Variants in PPP1R21 observed in about 807,000 individuals in gnomAD.
PPP1R21 encodes the protein KLRAQ motif containing 1.
PPP1R21 carries 85 observed loss-of-function variants against 112.8 expected under a neutral mutation model. That is an observed-to-expected ratio of 0.75 (90% confidence interval 0.63 to 0.90). The LOEUF (loss-of-function observed/expected upper bound fraction) is 0.90. PPP1R21 is among the 40% of genes least tolerant of loss of function. The pLI is 0.00. For missense variants in PPP1R21, 1,199 were observed against 901.5 expected (o/e 1.33, Z -4.23); for synonymous variants, 381 against 322.3 (o/e 1.18, Z -1.95).
At chr2:48,491,345 T>A (rs1324391914) in intron 15 of PPP1R21, among the ~76,000 whole-genome samples, 175 bp downstream of exon 15, 1 of 152,102 alleles carries the variant, frequency 6.6e-6, no homozygotes, top group Non-Finnish European at 1.5e-5. Flanking sequence ...GGACCCAGAC[T>A]TTACCTGAGA....
chr2:48,509,597 C>T (rs547122477), intron 19 of PPP1R21, among the ~76,000 whole-genome samples: 3 of 151,678 alleles, frequency 2.0e-5, no homozygotes, highest in South Asian at 2.1e-4. Context: ...CCCAGCTACT[C>T]GGGAAGCTGA....
chr2:48,479,801 A>G (rs1668924822), intron 12 of PPP1R21, 123 bp from the exon 13 acceptor site: 2 of 698,236 alleles, frequency 2.9e-6, no homozygotes, highest in Non-Finnish European at 5.2e-6. Context: ...CCACGATTTT[A>G]AGAGGCATTA....
In PPP1R21 at chr2:48,441,005, T is replaced by G. The variant is rs776355014; in HGVS notation, c.52T>G (p.Ser18Ala). Residue 18 changes from serine to alanine, a missense_variant, in exon 1 of 22, where the codon TCG becomes GCG. Physicochemically the swap from Ser to Ala is moderately conservative, Grantham distance 99. Coordinates refer to ENST00000294952, the MANE Select transcript of PPP1R21 (RefSeq NM_001135629.3). ...GKYQKLAQEYSKLRAQNQVLK... is the reference protein window; with the variant it reads ...GKYQKLAQEYAKLRAQNQVLK... ...GTACCAGAAGCTGGCTCAGGAGTAC[T>G]CGAAGGTACCCATCGTGGTCTGGGA... The G allele has an allele frequency of 1.9e-6, 3 of 1,606,922 alleles. No individual in the cohort carries two copies. Among genetic ancestry groups the G allele is most frequent in the East Asian group, 4.5e-5 (2 of 44,704 alleles).
At chr2:48,490,187 C>G (rs1001071890) in intron 14 of PPP1R21, among the ~76,000 whole-genome samples, 1 of 144,322 alleles carries the variant, frequency 6.9e-6, no homozygotes, top group African/African-American at 2.6e-5. Context: ...CCACTCCACT[C>G]CAGCCTGGGC....
At chr2:48,475,307 C>T (rs145891507) in intron 12 of PPP1R21, among the ~76,000 whole-genome samples, 2,866 of 152,070 alleles carry the variant, frequency 0.019, 91 homozygotes, top group African/African-American at 0.065. Flanking sequence ...GAGCTATGAT[C>T]ACACCACTGC....
intron 3 of PPP1R21, among the ~76,000 whole-genome samples, chr2:48,457,300 A>G (rs1267500980): frequency 2.6e-5 from 4 of 152,280 alleles, no homozygotes. Context: ...ATGGATATTT[A>G]ATTTCTTTTT....
intron 13 of PPP1R21, among the ~76,000 whole-genome samples, chr2:48,485,551 C>G (rs1002670496): frequency 6.6e-6 from 1 of 151,836 alleles, no homozygotes; most frequent in Non-Finnish European, 1.5e-5. Flanking sequence ...TATCCTAAAT[C>G]AAAGACGTAT....
intron 16 of PPP1R21, among the ~76,000 whole-genome samples, chr2:48,497,095 C>A (rs896434942): frequency 1.3e-5 from 2 of 152,180 alleles, no homozygotes; most frequent in East Asian, 3.8e-4. Flanking sequence ...GTCACAAGTT[C>A]TCAAGGTCCA....
At chr2:48,485,743 TTATC>T (rs571250336) in intron 13 of PPP1R21, among the ~76,000 whole-genome samples, 36 of 151,448 alleles carry the variant, frequency 2.4e-4, no homozygotes, top group African/African-American at 8.7e-4. Flanking sequence ...CCTCCATTAA[TTATC>T]TATAGTCTAA....
intron 9 of PPP1R21, among the ~76,000 whole-genome samples, chr2:48,467,533 C>A (rs1411689843): frequency 1.3e-5 from 2 of 152,174 alleles, no homozygotes; most frequent in Non-Finnish European, 2.9e-5. Context: ...GGATTTGCAT[C>A]CCAGGTGGCC....
chr2:48,487,974 A>C (rs1021942541), intron 14 of PPP1R21, among the ~76,000 whole-genome samples: 1 of 152,182 alleles, frequency 6.6e-6, no homozygotes, highest in African/African-American at 2.4e-5. Context: ...TCCAAAGGAA[A>C]TGCTTATCTC....
At chr2:48,478,107 C>T (rs1342546851) in intron 12 of PPP1R21, among the ~76,000 whole-genome samples, 2 of 152,156 alleles carry the variant, frequency 1.3e-5, no homozygotes, top group African/African-American at 4.8e-5. Context: ...ACACCTAGGG[C>T]CAACAGAAGC....
intron 15 of PPP1R21, among the ~76,000 whole-genome samples, chr2:48,494,563 C>T (rs1366474520): frequency 6.6e-6 from 1 of 151,006 alleles, no homozygotes; most frequent in African/African-American, 2.4e-5. Context: ...CAGGATCCTG[C>T]CACCTCCCCC....
chr2:48,509,188 A>G (rs931285139), intron 19 of PPP1R21, among the ~76,000 whole-genome samples: 1 of 152,130 alleles, frequency 6.6e-6, no homozygotes, highest in African/African-American at 2.4e-5. Context: ...AATTTTTGCA[A>G]TCTTGTGCTC....
chr2:48,494,272 A>G (rs2103619788), intron 15 of PPP1R21, among the ~76,000 whole-genome samples: 1 of 121,704 alleles, frequency 8.2e-6, no homozygotes, highest in East Asian at 2.3e-4. Context: ...AAAAAAAAAA[A>G]AAAAAAGTCA....
At position 48,474,755 on chromosome 2, in the gene PPP1R21, C is replaced by G; in HGVS notation, c.1161C>G (p.Asp387Glu). The G allele has an allele frequency of 6.2e-7, 1 of 1,612,962 alleles. No individual in the cohort carries two copies. The highest frequency in any genetic ancestry group is 8.5e-7 in the Non-Finnish European group (1 of 1,179,302). The change falls in exon 12 of 22, where the codon GAC becomes GAG. Residue 387 changes from aspartate (D) to glutamate (E), a missense_variant. Asp to Glu is a conservative substitution (Grantham distance 45, BLOSUM62 2). Transcript: ENST00000294952. ...CCAGGAATCTAGAGCTGTCCCAGGA[C>G]ATGAAAAAAATGACAGCTGTGTTTG... ...LRARNLELSQ[D>E]MKKMTAVFEK... is the part of the protein sequence containing the mutation.
chr2:48,480,936 T>A (rs1485623680), intron 13 of PPP1R21, among the ~76,000 whole-genome samples: 1 of 152,228 alleles, frequency 6.6e-6, no homozygotes, highest in Non-Finnish European at 1.5e-5. Context: ...AGCACCAGTT[T>A]ACCATTCAGT....
At chr2:48,504,595 C>G (rs757232720) in intron 17 of PPP1R21, among the ~76,000 whole-genome samples, 3 of 152,104 alleles carry the variant, frequency 2.0e-5, no homozygotes, top group Non-Finnish European at 4.4e-5. Context: ...GAGCCTCGGT[C>G]GCACCATTGC....
intron 4 of PPP1R21, among the ~76,000 whole-genome samples, chr2:48,458,720 C>G (rs966730830): frequency 6.6e-6 from 1 of 151,872 alleles, no homozygotes; most frequent in Admixed American, 6.6e-5. Flanking sequence ...AGGACAGTGT[C>G]TTACTTATGT....
Sources: allele counts gnomAD v4.1 joint callset (sites outside exome capture counted in the v4.1 genomes callset), GRCh38; gene constraint gnomAD v4.1.1; transcripts MANE v1.5; gene names NCBI Gene and HGNC (gene_info 2026-07-23, HGNC 2026-07-21).